Variants in PCDHGB4 observed in about 807,000 individuals in gnomAD.
PCDHGB4 encodes protocadherin gamma-B4.
A neutral mutation model predicts 60.5 loss-of-function variants in PCDHGB4; 38 were observed. The observed-to-expected ratio is 0.63, with a 90% CI of 0.48 to 0.82. PCDHGB4 has a LOEUF of 0.82. Among genes scored for constraint, PCDHGB4 ranks in the 40% least tolerant of loss-of-function variants. The pLI is 0.00. For missense variants in PCDHGB4, 1,109 were observed against 1,209.6 expected (o/e 0.92, Z 1.23); for synonymous variants, 456 against 509.7 (o/e 0.89, Z 1.42).
intron 1 of PCDHGB4, chr5:141,412,460 G>C (rs2095557510): frequency 1.3e-5 from 2 of 152,244 alleles, no homozygotes; most frequent in South Asian, 4.1e-4. Flanking sequence ...AACTATTCTA[G>C]AAGAGTACTT....
chr5:141,448,426 T>C (rs892222815), intron 1 of PCDHGB4, among the ~76,000 whole-genome samples: 1 of 152,164 alleles, frequency 6.6e-6, no homozygotes, highest in Non-Finnish European at 1.5e-5. Context: ...ATACTATGTA[T>C]ATATTGAGAA....
In PCDHGB4 at chr5:141,389,328, A is replaced by G. The variant is rs2091708257; in HGVS notation, c.1444A>G (p.Asn482Asp). Residue 482 changes from asparagine (N) to aspartate (D), a missense_variant, in exon 1 of 4, where the codon AAC becomes GAC. Physicochemically the swap from Asn to Asp is conservative, Grantham distance 23. Transcript: ENST00000519479. ...GGCTTCTGATCCGGACTTGGGGCCC[A>G]ACGGCCAAGTCTCTTACTGCATCAT... ...VRASDPDLGP[N>D]GQVSYCIMAS... The G allele has an allele frequency of 1.2e-6, 2 of 1,613,854 alleles. No individual in the cohort carries two copies. Among genetic ancestry groups the G allele is most frequent in the African/African-American group, 2.7e-5 (2 of 74,956 alleles).
chr5:141,405,320 C>G, intron 1 of PCDHGB4: 1 of 1,614,188 alleles, frequency 6.2e-7, no homozygotes, highest in Non-Finnish European at 8.5e-7. Context: ...GAAAAATGAG[C>G]CTTTGTGCGT....
Position 141,405,346 on chromosome 5 carries a change from G to T in PCDHGB4, c.2397+15065G>T, listed in dbSNP as rs184640789. 60 of 1,614,108 alleles carry T rather than the reference G, an allele frequency of 3.7e-5. No individual in the cohort carries two copies. The East Asian group carries it at 1.3e-3, about 35-fold the overall frequency. The stretch of plus-strand genomic sequence containing the variant: ...CTTTGTGCGTCTCTGTTGATTCCAA[G>T]TTTCCTATAGAAGACACCCCTTTGG... On this transcript the variant is annotated intron_variant, in intron 1 of 3. Transcript: ENST00000519479.
intron 1 of PCDHGB4, chr5:141,421,791 TG>T (rs1561796446): frequency 6.2e-7 from 1 of 1,613,792 alleles, no homozygotes; most frequent in Non-Finnish European, 8.5e-7. Flanking sequence ...GCAGAACGGA[TG>T]GGGCCAAGAA....
chr5:141,397,087 A>G (rs1386683594), intron 1 of PCDHGB4, among the ~76,000 whole-genome samples: 3 of 152,240 alleles, frequency 2.0e-5, no homozygotes, highest in African/African-American at 7.2e-5. Context: ...AAGTCATTTC[A>G]GATAGGATAA....
At chr5:141,403,214 G>A in intron 1 of PCDHGB4, 5 of 1,613,990 alleles carry the variant, frequency 3.1e-6, no homozygotes, top group Non-Finnish European at 4.2e-6. Context: ...GGTCACCGCG[G>A]GTAGGATAGA....
At chr5:141,467,280 T>G (rs1021597111) in intron 1 of PCDHGB4, among the ~76,000 whole-genome samples, 58 of 152,272 alleles carry the variant, frequency 3.8e-4, no homozygotes, top group Admixed American at 2.6e-4. Flanking sequence ...CTCGAACTCT[T>G]GACCTCAAGT....
chr5:141,474,551 C>G (rs1032524620), intron 1 of PCDHGB4, among the ~76,000 whole-genome samples: 35 of 152,312 alleles, frequency 2.3e-4, no homozygotes, highest in Non-Finnish European at 3.5e-4. Flanking sequence ...GCATTTAAAA[C>G]TGGGGGTTTT....
intron 1 of PCDHGB4, chr5:141,417,501 A>T: frequency 4.4e-6 from 1 of 227,168 alleles, no homozygotes. Flanking sequence ...GAGGAAAAAG[A>T]TTAAAATATT....
At chr5:141,495,480 C>A (rs2099761689) in intron 2 of PCDHGB4, among the ~76,000 whole-genome samples, 1 of 152,208 alleles carries the variant, frequency 6.6e-6, no homozygotes, top group African/African-American at 2.4e-5. Flanking sequence ...CGTGTCTCTG[C>A]CCCTTTTTCT....
chr5:141,471,046 CTTTTT>C (rs1170588345), intron 1 of PCDHGB4, among the ~76,000 whole-genome samples: 2 of 113,276 alleles, frequency 1.8e-5, no homozygotes, highest in Non-Finnish European at 3.6e-5. Context: ...CCCAAGCCCT[CTTTTT>C]TTTTTTTTTT....
Position 141,390,234 on chromosome 5 carries a change from G to A in PCDHGB4, c.2350G>A (p.Gly784Arg), listed in dbSNP as rs1357417854. 9.3e-6 allele frequency: 15 copies of A among 1,614,046 alleles called. No homozygotes were observed. The highest frequency in any genetic ancestry group is 1.3e-5 in the Non-Finnish European group (15 of 1,179,896). The change falls in exon 1 of 4, where the codon GGG (glycine) becomes AGG (arginine). Residue 784 changes from glycine to arginine, a missense_variant. Physicochemically the swap from Gly to Arg is moderately radical, Grantham distance 125. Transcript: ENST00000519479. ...AGACATACTTTGCGGTGATTCATCTGGGGCCTTATTTCCACTTTGTAATTC... is the reference window on the plus strand; with the variant it reads ...AGACATACTTTGCGGTGATTCATCTAGGGCCTTATTTCCACTTTGTAATTC... ...GQDILCGDSS[G>R]ALFPLCNSSE...
At chr5:141,435,314 G>T (rs1490871069) in intron 1 of PCDHGB4, among the ~76,000 whole-genome samples, 6 of 152,006 alleles carry the variant, frequency 3.9e-5, no homozygotes, top group African/African-American at 9.7e-5. Flanking sequence ...AATCATTCAT[G>T]AACTTCCAAA....
Position 141,489,140 on chromosome 5 carries a change from G to A in PCDHGB4, c.2398-5667G>A. ...CCTCCGAGCAGTTTTTAAGAGGCTG[G>A]AAGGAGACATAAGAGACTTCAGCTG... is the stretch of plus-strand genomic sequence containing the variant. On this transcript the variant is annotated intron_variant, in intron 1 of 3. Transcript: ENST00000519479. The surrounding 1 kb of genome is among the most constrained non-coding windows in gnomAD (Gnocchi z 4.5). The A allele has an allele frequency of 1.2e-6, 1 of 841,390 alleles. No individual in the cohort carries two copies. Among genetic ancestry groups the A allele is most frequent in the South Asian group, 2.1e-5 (1 of 47,082 alleles). The allele number at this position is 841,390 out of a possible 1,614,324, so 52.1% of individuals were successfully genotyped here.
intron 1 of PCDHGB4, chr5:141,411,436 T>C (rs2095489663): frequency 6.7e-6 from 1 of 149,586 alleles, no homozygotes; most frequent in South Asian, 2.1e-4. Flanking sequence ...AAAAAAACAT[T>C]AGCAGAGTGT....
chr5:141,447,538 T>C (rs954291961), intron 1 of PCDHGB4, among the ~76,000 whole-genome samples: 4 of 152,204 alleles, frequency 2.6e-5, no homozygotes, highest in Admixed American at 2.6e-4. Context: ...TTGTTGGGTT[T>C]TAATGTTATG....
rs771411620 is a variant in PCDHGB4, at chr5:141,485,551, G to A, written c.2398-9256G>A. ...GAGCAGAGGTAGAGATCGTAGATGT[G>A]AATGATCACGCCCCCCGTTTTCCGC... On this transcript the variant is annotated intron_variant, in intron 1 of 3. Transcript: ENST00000519479. This position sits in a 1 kb window ranked among gnomAD's most constrained non-coding sequence, Gnocchi z 5.7. 1.9e-6 allele frequency: 3 copies of A among 1,613,958 alleles called. No individual in the cohort carries two copies. Among genetic ancestry groups the A allele is most frequent in the Admixed American group, 1.7e-5 (1 of 60,006 alleles).
intron 1 of PCDHGB4, among the ~76,000 whole-genome samples, chr5:141,463,736 G>A (rs757788192): frequency 1.3e-5 from 2 of 151,992 alleles, no homozygotes; most frequent in East Asian, 3.9e-4. Flanking sequence ...ATGAGCCACC[G>A]CGCCCGGCCT....
Sources: gnomAD v4.1 joint callset for allele counts (sites outside exome capture counted in the v4.1 genomes callset) on GRCh38, gnomAD v4.1.1 for gene constraint, Gnocchi (gnomAD v3.1) non-coding constraint, MANE v1.5 for transcripts, NCBI Gene and HGNC (gene_info 2026-07-23, HGNC 2026-07-21) for gene names.